SPATA16: variants seen among roughly 807,000 people sequenced by gnomAD.
The protein encoded by SPATA16 is spermatogenesis associated 16.
A neutral mutation model predicts 63.3 loss-of-function variants in SPATA16; 36 were observed. That is an observed-to-expected ratio of 0.57 (90% CI 0.44 to 0.75). SPATA16 has a LOEUF of 0.75. SPATA16 is among the 30% of genes least tolerant of loss of function. SPATA16 has a pLI of 0.00. For synonymous variants in SPATA16, 203 were observed against 216.7 expected, an observed-to-expected ratio of 0.94 and a Z score of 0.56; for missense variants, 646 against 679.3, an observed-to-expected ratio of 0.95 and a Z score of 0.54.
intron 1 of SPATA16, among the ~76,000 whole-genome samples, chr3:173,125,373 A>C (rs1314545122): frequency 2.6e-5 from 4 of 152,152 alleles, no homozygotes; most frequent in African/African-American, 9.7e-5. Context: ...ATCCTTCTAA[A>C]TGAAAATCAG....
At chr3:172,934,813 A>C (rs879801523) in intron 6 of SPATA16, among the ~76,000 whole-genome samples, 5 of 152,200 alleles carry the variant, frequency 3.3e-5, no homozygotes, top group Non-Finnish European at 5.9e-5. Context: ...GGAAATCTAA[A>C]AGAAGAGACA....
intron 7 of SPATA16, among the ~76,000 whole-genome samples, chr3:172,925,124 G>C (rs903338939): frequency 6.6e-6 from 1 of 152,082 alleles, no homozygotes; most frequent in Non-Finnish European, 1.5e-5. Flanking sequence ...TGATGACTGC[G>C]GTGGGTGGGG....
chr3:173,096,601 T>C (rs1018867538), intron 2 of SPATA16, among the ~76,000 whole-genome samples: 2 of 152,148 alleles, frequency 1.3e-5, no homozygotes, highest in Admixed American at 6.6e-5. Context: ...AAGGAAAGAA[T>C]AAAGTGGATA....
At chr3:172,919,429 C>T (rs979754266) in intron 8 of SPATA16, among the ~76,000 whole-genome samples, 2 of 152,198 alleles carry the variant, frequency 1.3e-5, no homozygotes. Flanking sequence ...ATGCTAGAAT[C>T]ATCCTTGTTT....
At chr3:173,068,876 C>T (rs1220773652) in intron 2 of SPATA16, among the ~76,000 whole-genome samples, 4 of 149,018 alleles carry the variant, frequency 2.7e-5, no homozygotes, top group South Asian at 2.1e-4. Flanking sequence ...TTTGGAAGGC[C>T]GAGGCGGGCG....
At chr3:173,007,336 G>A (rs1441504835) in intron 4 of SPATA16, among the ~76,000 whole-genome samples, 1 of 152,124 alleles carries the variant, frequency 6.6e-6, no homozygotes, top group African/African-American at 2.4e-5. Context: ...CAAGAAGAAG[G>A]ACAGGTGCGG....
At chr3:173,095,834 G>A (rs1267476468) in intron 2 of SPATA16, among the ~76,000 whole-genome samples, 2 of 152,098 alleles carry the variant, frequency 1.3e-5, no homozygotes. Context: ...TATTATTGGA[G>A]AATATTTTAG....
chr3:173,134,439 AGATT>A (rs1307187014), intron 1 of SPATA16, among the ~76,000 whole-genome samples: 2 of 151,990 alleles, frequency 1.3e-5, no homozygotes, highest in Non-Finnish European at 2.9e-5. Flanking sequence ...CAATGAGCTA[AGATT>A]GCACCACTGC....
intron 8 of SPATA16, among the ~76,000 whole-genome samples, chr3:172,920,318 A>G (rs569584817): frequency 1.3e-5 from 2 of 152,320 alleles, no homozygotes; most frequent in Non-Finnish European, 2.9e-5. Flanking sequence ...CTTCTCCTAA[A>G]CCATAGTTCC....
intron 3 of SPATA16, among the ~76,000 whole-genome samples, chr3:173,033,630 G>A (rs1360147096): frequency 6.6e-6 from 1 of 152,030 alleles, no homozygotes; most frequent in Non-Finnish European, 1.5e-5. Flanking sequence ...TGGTGATGGT[G>A]GTTCAAGAGC....
At chr3:173,112,738 T>C (rs1434335273) in intron 2 of SPATA16, among the ~76,000 whole-genome samples, 1 of 152,200 alleles carries the variant, frequency 6.6e-6, no homozygotes, top group South Asian at 2.1e-4. Context: ...AAAAAAAGAT[T>C]AGCACCTCAA....
intron 3 of SPATA16, among the ~76,000 whole-genome samples, chr3:173,028,016 T>TCCC (rs1189850431): frequency 0.015 from 564 of 37,500 alleles, 26 homozygotes; most frequent in African/African-American, 0.05. Context: ...CCTCCCTCCC[T>TCCC]TCCTTCTTTC....
Position 173,063,126 on chromosome 3 carries a change from A to C in SPATA16, c.613-14032T>G, listed in dbSNP as rs7631977. Among the ~76,000 whole-genome samples the C allele has an allele frequency of 2.6e-3, 403 of 152,336 alleles. 2 individuals carry two copies. Among genetic ancestry groups the C allele is most frequent in the African/African-American group, 9.3e-3 (387 of 41,572 alleles). On this transcript the variant is annotated intron_variant, in intron 2 of 10. Transcript: ENST00000351008. ...AATTTATCCATGTCTATATTTGTCT[A>C]TATACCATCTATATCTATATCCATG... is the stretch of plus-strand genomic sequence containing the variant.
chr3:172,890,034 G>A (rs1341752521), intron 10 of SPATA16, among the ~76,000 whole-genome samples: 1 of 152,092 alleles, frequency 6.6e-6, no homozygotes, highest in Non-Finnish European at 1.5e-5. Flanking sequence ...TTAATCCATG[G>A]CAAGCCTTTT....
chr3:172,969,308 T>C (rs1352413967), intron 5 of SPATA16, among the ~76,000 whole-genome samples: 1 of 152,168 alleles, frequency 6.6e-6, no homozygotes, highest in East Asian at 1.9e-4. Flanking sequence ...CTGGGTCTTA[T>C]AAAGTATTTA....
At chr3:172,919,750 C>T (rs1732577790) in intron 8 of SPATA16, among the ~76,000 whole-genome samples, 1 of 147,328 alleles carries the variant, frequency 6.8e-6, no homozygotes, top group South Asian at 2.2e-4. Flanking sequence ...TGATCTCGGC[C>T]CACTGCAGAC....
At chr3:172,924,095 G>T in intron 8 of SPATA16, 113 bp downstream of exon 8, 1 of 849,700 alleles carries the variant, frequency 1.2e-6, no homozygotes, top group Non-Finnish European at 1.9e-6. Flanking sequence ...GATTTACTAT[G>T]AACGTTTCCA....
chr3:173,114,915 T>A (rs56311673), intron 2 of SPATA16, among the ~76,000 whole-genome samples: 18,290 of 152,252 alleles, frequency 0.12, 1,151 homozygotes, highest in African/African-American at 0.14. Context: ...TTTGAGATAT[T>A]CTAGCTAAGA....
intron 3 of SPATA16, among the ~76,000 whole-genome samples, chr3:173,046,505 T>G (rs2108292492): frequency 6.6e-6 from 1 of 152,134 alleles, no homozygotes; most frequent in African/African-American, 2.4e-5. Context: ...AAGCTAATTT[T>G]TGTGTTAACA....
Sources: gnomAD v4.1 joint callset for allele counts (sites outside exome capture counted in the v4.1 genomes callset) on GRCh38, gnomAD v4.1.1 for gene constraint, MANE v1.5 for transcripts, NCBI Gene and HGNC (gene_info 2026-07-23, HGNC 2026-07-21) for gene names.